The following GPAM variants were observed in gnomAD, a reference collection of about 807,000 sequenced individuals.
GPAM encodes the protein glycerol-3-phosphate acyltransferase 1, mitochondrial.
Under a neutral mutation model 105.0 loss-of-function variants are expected in GPAM, and 56 were observed. That is an observed-to-expected ratio of 0.53 (90% CI 0.43 to 0.67). The LOEUF (loss-of-function observed/expected upper bound fraction) is 0.67, where lower values mean the gene tolerates loss of function less well. Among genes scored for constraint, GPAM ranks in the 30% least tolerant of loss-of-function variants. GPAM has a pLI of 0.00. For missense variants in GPAM, 855 were observed against 989.8 expected (o/e 0.86, Z 1.83); for synonymous variants, 368 against 354.4 (o/e 1.04, Z -0.43).
In GPAM at chr10:112,174,233, T is replaced by C. The variant is rs144529718; in HGVS notation, c.414-388A>G. Among the ~76,000 whole-genome samples the C allele has an allele frequency of 2.7e-4, 41 of 152,338 alleles. 2 individuals are homozygous for C. The East Asian group carries it at 7.5e-3, about 28-fold the overall frequency. On this transcript the variant is annotated intron_variant, in intron 6 of 21. Coordinates refer to ENST00000348367, the MANE Select transcript of GPAM (RefSeq NM_001244949.2). Reference sequence around the variant, plus strand: ...AAAAGTCTACTACCAAATTAATGTGTGATTTTTCTTTTGAAGACTTAATTT... The same window carrying C: ...AAAAGTCTACTACCAAATTAATGTGCGATTTTTCTTTTGAAGACTTAATTT...
At position 112,163,672 on chromosome 10, in the gene GPAM, A is replaced by G. The variant is rs748309834; in HGVS notation, c.1423+29T>C. 6.9e-6 allele frequency: 7 copies of G among 1,007,540 alleles called. No individual in the cohort carries two copies. In the South Asian group the frequency reaches 8.9e-5, roughly 13 times the overall value. The allele number at this position is 1,007,540 out of a possible 1,614,324, so 62.4% of individuals were successfully genotyped here. A position where few individuals can be genotyped will look rare whatever the true frequency, so the allele number is the denominator to read the frequency against. On this transcript the variant is annotated intron_variant, in intron 14 of 21. Transcript: ENST00000348367. ...CCATACCATGATGAATCTAAATTGT[A>G]GAATTAAAGAGTCTGGTATTCTACT...
chr10:112,181,415 A>G (rs1046253357), intron 3 of GPAM, among the ~76,000 whole-genome samples: 6 of 152,166 alleles, frequency 3.9e-5, no homozygotes, highest in Non-Finnish European at 7.4e-5. Flanking sequence ...AAAATTTCTT[A>G]CCGACCCAAA....
At chr10:112,160,529 G>A (rs1847103016) in intron 16 of GPAM, 75 bp downstream of exon 16, 8 of 1,421,984 alleles carry the variant, frequency 5.6e-6, no homozygotes, top group South Asian at 3.5e-5. Flanking sequence ...CCAAATTAAA[G>A]CAGATACCAC....
chr10:112,200,266 G>A (rs1047186989), intron 1 of GPAM, among the ~76,000 whole-genome samples: 15 of 147,644 alleles, frequency 1.0e-4, no homozygotes, highest in Non-Finnish European at 2.1e-4. Flanking sequence ...GAGAGAGAGA[G>A]AGAATAGTTT....
In GPAM at chr10:112,150,503, T is replaced by C. The variant is rs1194317684; in HGVS notation, c.*3047A>G. 2 of 985,440 alleles carry C rather than the reference T, an allele frequency of 2.0e-6. No individual in the cohort carries two copies. The highest frequency in any genetic ancestry group is 2.3e-4 in the East Asian group (2 of 8,834). 61.0% of individuals were successfully genotyped at this position (985,440 alleles called of 1,614,324 possible). On this transcript the variant is annotated 3_prime_UTR_variant, in exon 22 of 22. Coordinates refer to ENST00000348367, the MANE Select transcript of GPAM (RefSeq NM_001244949.2). ...CAACGCCACACTGGACGTTACAAAA[T>C]GCATGCATATTCTGCCCCAGTGCTA...
At chr10:112,204,254 C>CTTTT (rs59433956) in intron 1 of GPAM, among the ~76,000 whole-genome samples, 1 of 132,514 alleles carries the variant, frequency 7.5e-6, no homozygotes, top group Admixed American at 7.5e-5. Context: ...TTTCTTTGTT[C>CTTTT]TTTTTTTTTT....
At chr10:112,219,474 C>A (rs1847999970), upstream of GPAM, among the ~76,000 whole-genome samples, 2 of 152,200 alleles carry the variant, frequency 1.3e-5, no homozygotes, top group Non-Finnish European at 2.9e-5. Flanking sequence ...CAAGATCCTG[C>A]CAACTTCATT....
At chr10:112,164,883 T>C (rs982313595) in intron 12 of GPAM, among the ~76,000 whole-genome samples, 1 of 152,198 alleles carries the variant, frequency 6.6e-6, no homozygotes, top group Non-Finnish European at 1.5e-5. Flanking sequence ...TTTTTAACTT[T>C]TCTCACACAT....
At chr10:112,203,370 G>T (rs1320395883) in intron 1 of GPAM, among the ~76,000 whole-genome samples, 1 of 152,154 alleles carries the variant, frequency 6.6e-6, no homozygotes, top group Non-Finnish European at 1.5e-5. Flanking sequence ...TTCTAAACAT[G>T]GGCCATAAAT....
chr10:112,159,987 AGGTTAGGTGG>A lies in GPAM; in HGVS notation c.1816_1825del (p.Pro606Ter). ...CCGCACCAGCTGCTCCTGGCTGATC[AGGTTAGGTGG>A]GGTGCTAGTGGGACCCCCCAGTCCC... On this transcript the variant is annotated frameshift_variant, in exon 17 of 22. Coordinates refer to ENST00000348367, the MANE Select transcript of GPAM (RefSeq NM_001244949.2). LOFTEE classifies it high-confidence loss of function. 6.2e-7 allele frequency: 1 copy of A among 1,613,976 alleles called. No individual in the cohort carries two copies. The highest frequency in any genetic ancestry group is 8.5e-7 in the Non-Finnish European group (1 of 1,179,854).
At chr10:112,188,501 T>A (rs1322243474), upstream of GPAM, among the ~76,000 whole-genome samples, 2 of 152,230 alleles carry the variant, frequency 1.3e-5, no homozygotes, top group African/African-American at 2.4e-5. Flanking sequence ...CCACCCATTG[T>A]ACCAGCAGAG....
At position 112,164,525 on chromosome 10, in the gene GPAM, C is replaced by T. The variant is rs1252322750; in HGVS notation, c.1307G>A (p.Arg436Lys). 5.3e-6 allele frequency: 8 copies of T among 1,509,086 alleles called. No homozygotes were observed. The highest frequency in any genetic ancestry group is 1.4e-5 in the African/African-American group (1 of 72,802). The allele number at this position is 1,509,086 out of a possible 1,614,324, so 93.5% of individuals were successfully genotyped here. A position where few individuals can be genotyped will look rare whatever the true frequency, so the allele number is the denominator to read the frequency against. ...CATTAAACAATTCTACAAATTTTAC[C>T]TTGAAGGAAGTATAGCTGGTAACAA... ...QALLPAILPSRPSDAADEGRD... is the reference protein window; with the variant it reads ...QALLPAILPSKPSDAADEGRD... Residue 436 changes from arginine to lysine, a missense_variant and splice_region_variant, in exon 13 of 22, where the codon AGA (arginine) becomes AAA (lysine). By Grantham distance (26) the Arg-to-Lys change is conservative (BLOSUM62 2). Transcript: ENST00000348367.
intron 3 of GPAM, 95 bp downstream of exon 3, chr10:112,181,588 T>C: frequency 2.6e-6 from 2 of 769,502 alleles, no homozygotes; most frequent in Non-Finnish European, 4.8e-6. Flanking sequence ...AATCTTGATG[T>C]GATATTATGT....
At chr10:112,217,155 C>T (rs928290132), upstream of GPAM, among the ~76,000 whole-genome samples, 3 of 152,106 alleles carry the variant, frequency 2.0e-5, no homozygotes, top group African/African-American at 4.8e-5. Context: ...AACGATCACC[C>T]GCAACTCTGC....
At chr10:112,201,632 C>T (rs1226368492) in intron 1 of GPAM, among the ~76,000 whole-genome samples, 3 of 152,172 alleles carry the variant, frequency 2.0e-5, no homozygotes, top group African/African-American at 7.2e-5. Context: ...ATTTTTAGAC[C>T]TTAACTTGGC....
intron 1 of GPAM, among the ~76,000 whole-genome samples, chr10:112,212,388 G>A (rs375766462): frequency 1.3e-5 from 2 of 151,998 alleles, no homozygotes; most frequent in South Asian, 2.1e-4. Context: ...TCAGCCTCCC[G>A]AGTAGCTGGG....
chr10:112,170,663 G>T (rs1048784199), intron 9 of GPAM, among the ~76,000 whole-genome samples: 4 of 119,546 alleles, frequency 3.3e-5, no homozygotes, highest in Non-Finnish European at 7.4e-5. Context: ...CCGGTTCCTT[G>T]TTCCTGGAGA....
At chr10:112,166,601 TA>T (rs1375730011) in intron 11 of GPAM, 86 bp from the exon 12 acceptor site, 3 of 820,446 alleles carry the variant, frequency 3.7e-6, no homozygotes, top group African/African-American at 3.3e-5. Flanking sequence ...TAACTTGTTT[TA>T]TGGAAACTGT....
Position 112,151,020 on chromosome 10 carries a change from T to C in GPAM, c.*2530A>G, listed in dbSNP as rs1027060078. ...AGTTTTTGCCTTTGTTTTTCATGCA[T>C]TTTCAGAGTGCACAACTTCCCTCCT... On this transcript the variant is annotated 3_prime_UTR_variant, in exon 22 of 22. Coordinates refer to ENST00000348367, the MANE Select transcript of GPAM (RefSeq NM_001244949.2). The C allele has an allele frequency of 5.1e-6, 5 of 985,688 alleles. No individual in the cohort carries two copies. Among genetic ancestry groups the C allele is most frequent in the South Asian group, 4.7e-5 (1 of 21,286 alleles). The allele number at this position is 985,688 out of a possible 1,614,324, so 61.1% of individuals were successfully genotyped here.
Sources: allele counts gnomAD v4.1 joint callset (sites outside exome capture counted in the v4.1 genomes callset), GRCh38; gene constraint gnomAD v4.1.1; transcripts MANE v1.5; gene names NCBI Gene and HGNC (gene_info 2026-07-23, HGNC 2026-07-21).